TEX9: variants seen among roughly 807,000 people sequenced by gnomAD.
The protein encoded by TEX9 is testis expressed 9.
A neutral mutation model predicts 59.6 loss-of-function variants in TEX9; 74 were observed. The observed-to-expected ratio is 1.24, with a 90% confidence interval of 1.03 to 1.51. TEX9 has a LOEUF of 1.51. TEX9 is among the 40% of genes most tolerant of loss of function. The probability of loss-of-function intolerance (pLI) is 0.00; values close to 1 mark genes in which losing one functional copy is unlikely to be tolerated. For synonymous variants in TEX9, 186 were observed against 152.2 expected, an observed-to-expected ratio of 1.22 and a Z score of -1.64; for missense variants, 522 against 447.8, an observed-to-expected ratio of 1.17 and a Z score of -1.49.
chr15:56,413,305 T>C (rs997670051), intron 10 of TEX9, among the ~76,000 whole-genome samples: 18 of 83,664 alleles, frequency 2.2e-4, no homozygotes, highest in Non-Finnish European at 4.1e-4. Flanking sequence ...ATTATTTAAT[T>C]TAATAATTTA....
At chr15:56,246,130 T>C (rs1293429673) in intron 1 of TEX9, among the ~76,000 whole-genome samples, 2 of 152,114 alleles carry the variant, frequency 1.3e-5, no homozygotes, top group Non-Finnish European at 2.9e-5. Context: ...GCTTCCCAAG[T>C]GCAACTTCTG....
chr15:56,316,858 C>A (rs931445249), intron 1 of TEX9, among the ~76,000 whole-genome samples: 1 of 152,174 alleles, frequency 6.6e-6, no homozygotes, highest in Non-Finnish European at 1.5e-5. Context: ...CGTGGTGCAT[C>A]GTTTTTTAAG....
chr15:56,435,793 G>A (rs1199853772), intron 12 of TEX9, among the ~76,000 whole-genome samples: 4 of 151,974 alleles, frequency 2.6e-5, no homozygotes, highest in Admixed American at 6.6e-5. Flanking sequence ...AACAGAAGAG[G>A]AGGAAACATA....
exon 1 of TEX9, chr15:56,365,440 A>C (rs367837059): frequency 1.2e-6 from 2 of 1,609,644 alleles, no homozygotes; most frequent in Non-Finnish European, 1.7e-6. Flanking sequence ...ACCGCGTCGC[A>C]GTCGCCGAAG....
intron 2 of TEX9, among the ~76,000 whole-genome samples, chr15:56,367,230 C>A (rs757973875): frequency 2.0e-5 from 3 of 152,104 alleles, no homozygotes; most frequent in Non-Finnish European, 4.4e-5. Context: ...TATCTGTACT[C>A]TGAGTTGTGC....
In TEX9 at chr15:56,313,369, A is replaced by C. The variant is rs1305363428; in HGVS notation, c.-106-60072A>C. ...AGTTTTTAGCATGAAGGGTTGTTGA[A>C]TTTTGTCAAAGGCTTTTTCTGCATC... On this transcript the variant is annotated intron_variant, in intron 1 of 5. Transcript: ENST00000560827. Among the ~76,000 whole-genome samples, 43 of 123,242 alleles carry C rather than the reference A, an allele frequency of 3.5e-4. 1 individual carries two copies. Among genetic ancestry groups the C allele is most frequent in the African/African-American group, 1.2e-3 (41 of 34,228 alleles). The allele number at this position is 123,242 out of a possible 152,430, so 80.9% of individuals were successfully genotyped here.
intron 9 of TEX9, among the ~76,000 whole-genome samples, chr15:56,401,322 A>C (rs1168964014): frequency 1.8e-4 from 27 of 150,266 alleles, no homozygotes; most frequent in South Asian, 8.4e-4. Context: ...AAAAAAAAAA[A>C]AAAAAAAAAA....
intron 1 of TEX9, among the ~76,000 whole-genome samples, chr15:56,338,497 G>C (rs1377408091): frequency 6.6e-6 from 1 of 152,206 alleles, no homozygotes; most frequent in Non-Finnish European, 1.5e-5. Flanking sequence ...CACTTGGTCT[G>C]AGACAGTGAT....
chr15:56,366,658 C>T (rs1431703984), intron 2 of TEX9, among the ~76,000 whole-genome samples: 1 of 152,234 alleles, frequency 6.6e-6, no homozygotes, highest in South Asian at 2.1e-4. Context: ...ATCATACATA[C>T]CCTTATAAAA....
At chr15:56,455,896 G>T in the TEX9 span, among the ~76,000 whole-genome samples, 1 of 152,152 alleles carries the variant, frequency 6.6e-6, no homozygotes. Context: ...GTTCATATAT[G>T]TGAAAGGACA....
intron 1 of TEX9, among the ~76,000 whole-genome samples, chr15:56,251,483 A>G (rs1005620795): frequency 1.3e-5 from 2 of 152,164 alleles, no homozygotes; most frequent in Admixed American, 6.5e-5. Flanking sequence ...ACCTTTGCCC[A>G]AGGAAGATGT....
Position 56,412,264 on chromosome 15 carries a change from A to C in TEX9, c.829-38A>C, listed in dbSNP as rs138862371. ...AAATGATAAAGGGGGAAACTATGAT[A>C]TATTTATAAATGTTCCATAATCTTT... On this transcript the variant is annotated intron_variant, in intron 9 of 12. Transcript: ENST00000352903. 2.9e-4 allele frequency: 449 copies of C among 1,552,734 alleles called. 1 individual carries two copies. In the African/African-American group the frequency reaches 5.8e-3, roughly 20 times the overall value.
chr15:56,318,156 G>C (rs1266129460), intron 1 of TEX9, among the ~76,000 whole-genome samples: 4 of 151,976 alleles, frequency 2.6e-5, no homozygotes, highest in African/African-American at 7.2e-5. Context: ...TTGAAGCTCT[G>C]TTGTTAGGTG....
At chr15:56,428,030 G>C (rs2050399334) in intron 11 of TEX9, among the ~76,000 whole-genome samples, 1 of 151,970 alleles carries the variant, frequency 6.6e-6, no homozygotes, top group African/African-American at 2.4e-5. Flanking sequence ...TGACTATTAG[G>C]GGACTGTTTG....
At chr15:56,244,401 C>T (rs542234486) in intron 1 of TEX9, 2 of 152,166 alleles carry the variant, frequency 1.3e-5, no homozygotes, top group African/African-American at 4.8e-5. Context: ...GAGTGCTCCT[C>T]GGTCGGGCAT....
At chr15:56,303,998 G>A (rs1283150417) in intron 1 of TEX9, among the ~76,000 whole-genome samples, 2 of 152,170 alleles carry the variant, frequency 1.3e-5, no homozygotes, top group African/African-American at 4.8e-5. Context: ...GATTAAAGCT[G>A]TAATAAAAAG....
At chr15:56,305,860 G>T (rs1001686501) in intron 1 of TEX9, among the ~76,000 whole-genome samples, 2 of 152,038 alleles carry the variant, frequency 1.3e-5, no homozygotes, top group Non-Finnish European at 2.9e-5. Context: ...GAAAATATTC[G>T]CAATCTATCT....
Position 56,412,392 on chromosome 15 carries a change from G to T in TEX9, c.919G>T (p.Glu307Ter), listed in dbSNP as rs765703973. The change falls in exon 10 of 13, where the codon GAA becomes TAA. Residue 307 changes from glutamate to a stop codon, truncating the protein, a stop_gained. Transcript: ENST00000352903. LOFTEE classifies it high-confidence loss of function. The stretch of plus-strand genomic sequence containing the variant: ...CTTGAATAGAGCTCTAGAAGAAGCA[G>T]AAAAGTATAAACTGGAGTTAAGTAA... The T allele has an allele frequency of 1.2e-6, 2 of 1,613,078 alleles. No homozygotes were observed. Among genetic ancestry groups the T allele is most frequent in the Non-Finnish European group, 1.7e-6 (2 of 1,179,622 alleles).
intron 9 of TEX9, 30 bp from the exon 10 acceptor site, chr15:56,412,272 A>G: frequency 3.8e-6 from 6 of 1,568,048 alleles, no homozygotes; most frequent in Non-Finnish European, 5.2e-6. Context: ...ATATATTTAT[A>G]AATGTTCCAT....
Sources: allele counts gnomAD v4.1 joint callset (sites outside exome capture counted in the v4.1 genomes callset), GRCh38; gene constraint gnomAD v4.1.1; transcripts MANE v1.5; gene names NCBI Gene and HGNC (gene_info 2026-07-23, HGNC 2026-07-21).